Variants in OSBPL10 observed in about 807,000 individuals in gnomAD.
OSBPL10 encodes oxysterol binding protein like 10, also known as oxysterol-binding protein-related protein 10.
Under a neutral mutation model 81.7 loss-of-function variants are expected in OSBPL10, and 49 were observed. That is an observed-to-expected ratio of 0.60 (90% confidence interval 0.48 to 0.76). OSBPL10 has a LOEUF of 0.76. OSBPL10 is among the 30% of genes least tolerant of loss of function. The pLI is 0.00. For missense variants in OSBPL10, 923 were observed against 987.8 expected, an observed-to-expected ratio of 0.93 and a Z score of 0.88; for synonymous variants, 419 against 383.6, an observed-to-expected ratio of 1.09 and a Z score of -1.08.
At chr3:31,999,364 T>C (rs79856270) in intron 2 of OSBPL10, among the ~76,000 whole-genome samples, 9,258 of 149,894 alleles carry the variant, frequency 0.062, 518 homozygotes, top group East Asian at 0.31. Flanking sequence ...AAAATCTTTT[T>C]TTTTTTTTTT....
chr3:31,821,385 A>C (rs1278370743), intron 4 of OSBPL10, among the ~76,000 whole-genome samples: 1 of 152,082 alleles, frequency 6.6e-6, no homozygotes, highest in Non-Finnish European at 1.5e-5. Context: ...GGGTGCTCAT[A>C]AGTTCTCATT....
chr3:32,049,285 G>A (rs1295178877), intron 1 of OSBPL10, among the ~76,000 whole-genome samples: 2 of 152,074 alleles, frequency 1.3e-5, no homozygotes, highest in Admixed American at 6.5e-5. Flanking sequence ...CGCCCTCTTG[G>A]GGTCTGGATC....
rs925682490 is a variant in OSBPL10, at chr3:31,671,625, TAGGAAAGAC to T, written c.1727-651_1727-643del. 2.2e-3 allele frequency among the ~76,000 whole-genome samples: 329 copies of T among 152,266 alleles called. 1 individual carries two copies. Among genetic ancestry groups the T allele is most frequent in the African/African-American group, 7.7e-3 (321 of 41,544 alleles). On this transcript the variant is annotated intron_variant, in intron 8 of 11. Coordinates refer to ENST00000396556, the MANE Select transcript of OSBPL10 (RefSeq NM_017784.5). ...GCTGTACAGCTGCTGTCAGCAACCT[TAGGAAAGAC>T]ATCTGCCAAGAGTGGGACTCTGTAA...
intron 4 of OSBPL10, among the ~76,000 whole-genome samples, chr3:31,763,124 A>G (rs1056209784): frequency 6.6e-6 from 1 of 152,212 alleles, no homozygotes; most frequent in African/African-American, 2.4e-5. Context: ...ATAAGCAAAG[A>G]CGTAATAAGA....
chr3:31,728,929 C>T (rs1167985490), intron 6 of OSBPL10, among the ~76,000 whole-genome samples: 2 of 152,200 alleles, frequency 1.3e-5, no homozygotes, highest in Non-Finnish European at 2.9e-5. Context: ...ATCCAAAATA[C>T]TCCAAGGAGC....
chr3:32,046,552 A>G (rs1699623938), exon 2 of OSBPL10: 1 of 152,234 alleles, frequency 6.6e-6, no homozygotes, highest in Non-Finnish European at 1.5e-5. Flanking sequence ...CCTATTAAAT[A>G]AATGTTTCTG....
At position 31,896,722 on chromosome 3, in the gene OSBPL10, A is replaced by AG. The variant is rs35545048; in HGVS notation, c.282-16893dup. 3.9e-5 allele frequency among the ~76,000 whole-genome samples: 6 copies of AG among 152,332 alleles called. No individual in the cohort carries two copies. In the East Asian group the frequency reaches 1.2e-3, roughly 29 times the overall value. The stretch of plus-strand genomic sequence containing the variant: ...GTGAAATCAGGGCAGTGCCTGCCTT[A>AG]GAGGGGGTCACCTCTGGGAAGAAGA... On this transcript the variant is annotated intron_variant, in intron 1 of 11. Transcript: ENST00000396556.
chr3:31,809,901 T>A (rs1699631735), intron 4 of OSBPL10, among the ~76,000 whole-genome samples: 1 of 128,906 alleles, frequency 7.8e-6, no homozygotes, highest in African/African-American at 3.2e-5. Context: ...GATGGAGTTT[T>A]GCTTTTGTTG....
chr3:31,998,924 A>G (rs376000833), intron 2 of OSBPL10, among the ~76,000 whole-genome samples: 2 of 152,356 alleles, frequency 1.3e-5, no homozygotes, highest in South Asian at 2.1e-4. Flanking sequence ...AATCATTCAC[A>G]CTTTAGTATA....
chr3:31,776,494 T>C (rs1284362079), intron 4 of OSBPL10, among the ~76,000 whole-genome samples: 2 of 152,088 alleles, frequency 1.3e-5, no homozygotes, highest in African/African-American at 4.8e-5. Context: ...TAAACAAATA[T>C]AAGCTCACAA....
intron 3 of OSBPL10, among the ~76,000 whole-genome samples, chr3:31,844,614 G>A (rs979118159): frequency 1.3e-5 from 2 of 152,194 alleles, no homozygotes; most frequent in Non-Finnish European, 2.9e-5. Flanking sequence ...GAAACAGAAA[G>A]CAGACTGGTT....
At chr3:31,888,871 C>A (rs1237165891) in intron 1 of OSBPL10, among the ~76,000 whole-genome samples, 1 of 152,074 alleles carries the variant, frequency 6.6e-6, no homozygotes, top group Admixed American at 6.5e-5. Context: ...TTGCAGTGAG[C>A]CGAGATCACG....
intron 6 of OSBPL10, among the ~76,000 whole-genome samples, chr3:31,722,092 C>T (rs1330524690): frequency 1.3e-5 from 2 of 152,130 alleles, no homozygotes; most frequent in African/African-American, 4.8e-5. Flanking sequence ...TTCTCACCAA[C>T]CTAGAAACGC....
intron 2 of OSBPL10, among the ~76,000 whole-genome samples, chr3:31,992,145 CA>C (rs527764918): frequency 0.02 from 1,292 of 65,508 alleles, 16 homozygotes; most frequent in African/African-American, 0.051. Flanking sequence ...GACTCCATCT[CA>C]AAAAAAAAAA....
chr3:32,073,932 C>T (rs760464398), intron 1 of OSBPL10, among the ~76,000 whole-genome samples: 6 of 152,130 alleles, frequency 3.9e-5, no homozygotes, highest in African/African-American at 1.2e-4. Context: ...CTTTTATACT[C>T]ACTCTTATTC....
At position 31,747,961 on chromosome 3, in the gene OSBPL10, G is replaced by T. The variant is rs1697580411; in HGVS notation, c.889C>A (p.Gln297Lys). The change falls in exon 5 of 12, where the codon CAG becomes AAG. Residue 297 changes from glutamine (Q) to lysine (K), a missense_variant. Gln to Lys is a moderately conservative substitution (Grantham distance 53). Transcript: ENST00000396556. ...SCLGECLNLL[Q>K]QSVHQAGQPS... ...TGGCCCGCCTGGTGCACACTCTGCT[G>T]TAACAAGTTGAGGCACTCCCCAAGG... is the stretch of plus-strand genomic sequence containing the variant. The T allele has an allele frequency of 5.0e-6, 8 of 1,614,012 alleles. No homozygotes were observed. The Admixed American group carries it at 8.3e-5, about 17-fold the overall frequency.
chr3:31,900,703 A>T (rs368122181), intron 1 of OSBPL10, among the ~76,000 whole-genome samples: 1 of 152,360 alleles, frequency 6.6e-6, no homozygotes, highest in Middle Eastern at 3.4e-3. Flanking sequence ...TTTTCAATTC[A>T]ATTAACTCTT....
chr3:32,055,999 A>G (rs951923048), intron 1 of OSBPL10, among the ~76,000 whole-genome samples: 1 of 152,230 alleles, frequency 6.6e-6, no homozygotes, highest in Admixed American at 6.5e-5. Context: ...AAACCAATTA[A>G]AAAGAGCCTA....
chr3:31,955,903 G>C (rs1697994461), intron 1 of OSBPL10, among the ~76,000 whole-genome samples: 1 of 152,076 alleles, frequency 6.6e-6, no homozygotes, highest in African/African-American at 2.4e-5. Flanking sequence ...CTTCTGGTCA[G>C]ATGGTGACAA....
Sources: gnomAD v4.1 joint callset for allele counts (sites outside exome capture counted in the v4.1 genomes callset) on GRCh38, gnomAD v4.1.1 for gene constraint, MANE v1.5 for transcripts, NCBI Gene and HGNC (gene_info 2026-07-23, HGNC 2026-07-21) for gene names.